Variants in COL24A1 observed in about 807,000 individuals in gnomAD.
COL24A1 encodes collagen alpha-1(XXIV) chain.
In COL24A1, 224 loss-of-function variants were observed where a neutral mutation model predicts 253.9. That is an observed-to-expected ratio of 0.88 (90% CI 0.79 to 0.99). COL24A1 has a LOEUF of 0.99. Ranked by LOEUF, COL24A1 falls within the 50% of genes least tolerant of loss-of-function variation. The probability of loss-of-function intolerance (pLI) is 0.00; values close to 1 mark genes in which losing one functional copy is unlikely to be tolerated. For missense variants in COL24A1, 2,131 were observed against 2,068.5 expected (o/e 1.03, Z -0.59); for synonymous variants, 685 against 673.7 (o/e 1.02, Z -0.26).
intron 3 of COL24A1, among the ~76,000 whole-genome samples, chr1:86,118,324 A>G (rs1269133078): frequency 6.6e-6 from 1 of 152,148 alleles, no homozygotes. Flanking sequence ...TGGCCTCCCA[A>G]AGTGCTGGGA....
chr1:86,124,928 A>G lies in COL24A1; in HGVS notation c.1408T>C (p.Tyr470His). Reference sequence around the variant, plus strand: ...AGATCCTCATAATAATAATAATCATAAAGCTCAGTTTCATAGCTATTTTCG... The same window carrying G: ...AGATCCTCATAATAATAATAATCATGAAGCTCAGTTTCATAGCTATTTTCG... ...PIENSYETELYDYYYYEDLNT... is the reference protein window; with the variant it reads ...PIENSYETELHDYYYYEDLNT... The change falls in exon 3 of 60, where the codon TAT (tyrosine) becomes CAT (histidine). Residue 470 changes from tyrosine (Y) to histidine (H), a missense_variant. By Grantham distance (83) the Tyr-to-His change is moderately conservative. Transcript: ENST00000370571. 6.2e-7 allele frequency: 1 copy of G among 1,612,240 alleles called. No homozygotes were observed.
chr1:85,744,555 A>C, intron 57 of COL24A1, 111 bp downstream of exon 57: 2 of 779,144 alleles, frequency 2.6e-6, no homozygotes, highest in African/African-American at 5.7e-5. Context: ...GGCTTCTGCC[A>C]GGGTTTTATC....
chr1:85,732,734 C>T (rs1334476826), intron 59 of COL24A1, among the ~76,000 whole-genome samples: 1 of 152,022 alleles, frequency 6.6e-6, no homozygotes, highest in Non-Finnish European at 1.5e-5. Context: ...GTTCTCTGTG[C>T]CTTTACTTTC....
At chr1:85,877,465 C>T (rs895177445) in intron 32 of COL24A1, among the ~76,000 whole-genome samples, 5 of 152,106 alleles carry the variant, frequency 3.3e-5, no homozygotes, top group Non-Finnish European at 5.9e-5. Flanking sequence ...CAGGTTCAAG[C>T]GATTCTCCTC....
At chr1:85,876,274 A>C (rs192783590) in intron 33 of COL24A1, among the ~76,000 whole-genome samples, 42 of 152,252 alleles carry the variant, frequency 2.8e-4, no homozygotes, top group African/African-American at 8.4e-4. Context: ...GGCCTATTCA[A>C]AAGGAAATGG....
At chr1:85,743,276 T>C (rs1664848266) in intron 57 of COL24A1, among the ~76,000 whole-genome samples, 1 of 152,152 alleles carries the variant, frequency 6.6e-6, no homozygotes, top group South Asian at 2.1e-4. Flanking sequence ...TCATACTGGC[T>C]TTCTTGCTAA....
chr1:85,807,913 G>C (rs1027649036), intron 47 of COL24A1, among the ~76,000 whole-genome samples: 1 of 152,166 alleles, frequency 6.6e-6, no homozygotes, highest in Non-Finnish European at 1.5e-5. Flanking sequence ...AAACACTGTG[G>C]TCAGAGTGGA....
intron 8 of COL24A1, among the ~76,000 whole-genome samples, chr1:86,061,355 G>T (rs918086065): frequency 1.3e-5 from 2 of 152,056 alleles, no homozygotes; most frequent in South Asian, 2.1e-4. Context: ...TAAGACAAAT[G>T]TAAAAGGCTG....
chr1:85,831,037 G>A (rs997080045), intron 43 of COL24A1, among the ~76,000 whole-genome samples: 20 of 152,062 alleles, frequency 1.3e-4, no homozygotes, highest in African/African-American at 4.8e-4. Context: ...TCAACTTCCC[G>A]ATAAAGAAAA....
Position 86,148,795 on chromosome 1 carries a change from C to T in COL24A1, c.57-2612G>A, listed in dbSNP as rs547574907. On this transcript the variant is annotated intron_variant, in intron 1 of 59. Transcript: ENST00000370571. ...TCCAAGTCTTTGCTATTGTGAATAA[C>T]GCCGCAATAAACATACGTGTGCATG... is the stretch of plus-strand genomic sequence containing the variant. Among the ~76,000 whole-genome samples, 29 of 152,072 alleles carry T rather than the reference C, an allele frequency of 1.9e-4. No homozygotes were observed. In the East Asian group the frequency reaches 2.1e-3, roughly 11 times the overall value.
rs371173633 is a variant in COL24A1, at chr1:85,921,897, C to T, written c.2563-10464G>A. 3.9e-5 allele frequency among the ~76,000 whole-genome samples: 6 copies of T among 152,046 alleles called. No homozygotes were observed. The East Asian group carries it at 7.7e-4, about 20-fold the overall frequency. On this transcript the variant is annotated intron_variant, in intron 24 of 59. Coordinates refer to ENST00000370571, the MANE Select transcript of COL24A1 (RefSeq NM_152890.7). ...GCTAAAGGAGGATGTTGGAACTCAT[C>T]GCAAGTAAGCTAAAAGCCTTGAAAA...
intron 57 of COL24A1, among the ~76,000 whole-genome samples, chr1:85,739,409 T>C (rs1383572705): frequency 1.3e-5 from 2 of 152,176 alleles, no homozygotes; most frequent in Admixed American, 1.3e-4. Context: ...CCATGACATA[T>C]CTTTTGTGAG....
intron 37 of COL24A1, 100 bp from the exon 38 acceptor site, chr1:85,849,506 G>T: frequency 2.2e-6 from 2 of 919,162 alleles, no homozygotes; most frequent in Non-Finnish European, 1.7e-6. Flanking sequence ...TGGATTGGAC[G>T]AGAAGTAAAA....
chr1:86,006,009 C>A (rs765106038), intron 19 of COL24A1, among the ~76,000 whole-genome samples: 1 of 151,834 alleles, frequency 6.6e-6, no homozygotes, highest in Non-Finnish European at 1.5e-5. Flanking sequence ...TAGTTATGAA[C>A]CTAAGAAAAT....
intron 3 of COL24A1, among the ~76,000 whole-genome samples, chr1:86,121,949 GA>G (rs888323206): frequency 2.6e-5 from 4 of 152,110 alleles, no homozygotes; most frequent in Non-Finnish European, 2.9e-5. Flanking sequence ...ATATAGGCAG[GA>G]AAAAATTGTT....
At chr1:86,075,472 G>A (rs929332996) in intron 7 of COL24A1, among the ~76,000 whole-genome samples, 1 of 152,092 alleles carries the variant, frequency 6.6e-6, no homozygotes, top group African/African-American at 2.4e-5. Flanking sequence ...GTACAAAGAG[G>A]AGCTGGTACC....
intron 58 of COL24A1, among the ~76,000 whole-genome samples, chr1:85,737,064 T>A (rs1255807423): frequency 1.3e-5 from 2 of 152,150 alleles, no homozygotes; most frequent in Non-Finnish European, 2.9e-5. Flanking sequence ...TGATTACTGG[T>A]TACAAACACT....
At chr1:86,042,430 G>A (rs1277880362) in intron 12 of COL24A1, among the ~76,000 whole-genome samples, 2 of 151,590 alleles carry the variant, frequency 1.3e-5, no homozygotes. Context: ...TTTCATTTTG[G>A]GAAAAAAGAA....
chr1:85,973,871 C>T (rs1053239671), intron 20 of COL24A1, among the ~76,000 whole-genome samples: 1 of 151,924 alleles, frequency 6.6e-6, no homozygotes, highest in African/African-American at 2.4e-5. Context: ...AGTTATATGC[C>T]ATTTATAAGA....
Sources: allele counts gnomAD v4.1 joint callset (sites outside exome capture counted in the v4.1 genomes callset), GRCh38; gene constraint gnomAD v4.1.1; transcripts MANE v1.5; gene names NCBI Gene and HGNC (gene_info 2026-07-23, HGNC 2026-07-21).